Variants in MMEL1 observed in about 807,000 individuals in gnomAD.
MMEL1 encodes membrane metallo-endopeptidase-like 1.
In MMEL1, 98 loss-of-function variants were observed where a neutral mutation model predicts 117.1. The ratio of observed to expected loss-of-function variants is 0.84; its 90% CI spans 0.71 to 0.99. MMEL1 has a LOEUF of 0.99. Ranked by LOEUF, MMEL1 falls within the 50% of genes least tolerant of loss-of-function variation. The pLI, the probability that MMEL1 is intolerant of heterozygous loss-of-function variation, is 0.00. For missense variants in MMEL1, 1,014 were observed against 1,049.1 expected (o/e 0.97, Z 0.46); for synonymous variants, 390 against 415.1 (o/e 0.94, Z 0.74).
At chr1:2,610,969 A>G (rs1168187949) in intron 4 of MMEL1, among the ~76,000 whole-genome samples, 2 of 152,266 alleles carry the variant, frequency 1.3e-5, no homozygotes, top group Non-Finnish European at 2.9e-5. Context: ...AAAATCTGAA[A>G]TAAGAAAGTG....
intron 1 of MMEL1, among the ~76,000 whole-genome samples, chr1:2,631,383 C>A (rs1002741317): frequency 6.6e-6 from 1 of 151,812 alleles, no homozygotes; most frequent in African/African-American, 2.4e-5. Flanking sequence ...GTGCTTCCGC[C>A]CCCCTGTACC....
intron 2 of MMEL1, among the ~76,000 whole-genome samples, chr1:2,623,067 G>C (rs942545001): frequency 1.3e-5 from 2 of 151,876 alleles, no homozygotes; most frequent in Admixed American, 6.6e-5. Context: ...TACTCAGGAG[G>C]CTGAGGCAGG....
At chr1:2,600,988 G>C (rs1360244267) in intron 11 of MMEL1, among the ~76,000 whole-genome samples, 1 of 145,492 alleles carries the variant, frequency 6.9e-6, no homozygotes, top group Non-Finnish European at 1.5e-5. Context: ...CATGTTCATG[G>C]ATTGGAAGAC....
chr1:2,601,334 A>G (rs1644928888), intron 11 of MMEL1, among the ~76,000 whole-genome samples: 1 of 152,208 alleles, frequency 6.6e-6, no homozygotes, highest in South Asian at 2.1e-4. Flanking sequence ...CCTGATTTAT[A>G]ACACAGAAGG....
At chr1:2,617,358 C>T (rs1645218265) in intron 2 of MMEL1, among the ~76,000 whole-genome samples, 1 of 142,730 alleles carries the variant, frequency 7.0e-6, no homozygotes, top group Non-Finnish European at 1.5e-5. Context: ...ACCCGGGAGG[C>T]AGAGCTTGCA....
chr1:2,597,959 C>T (rs1173989746), intron 13 of MMEL1, among the ~76,000 whole-genome samples: 3 of 152,174 alleles, frequency 2.0e-5, no homozygotes, highest in African/African-American at 4.8e-5. Context: ...GTCGCCTCCC[C>T]GGAGCAGTGC....
Position 2,614,650 on chromosome 1 carries a change from C to T in MMEL1, c.155-2446G>A, listed in dbSNP as rs77466304. ...TCATGTATACATACATATTCCTTTG[C>T]TCTGCCAGGTGAGCTAGACTAGAAG... is the stretch of plus-strand genomic sequence containing the variant. On this transcript the variant is annotated intron_variant, in intron 2 of 23. Transcript: ENST00000378412. Among the ~76,000 whole-genome samples, 773 of 152,130 alleles carry T rather than the reference C, an allele frequency of 5.1e-3. 3 individuals carry two copies. Among genetic ancestry groups the T allele is most frequent in the Non-Finnish European group, 9.2e-3 (626 of 68,010 alleles).
intron 11 of MMEL1, among the ~76,000 whole-genome samples, chr1:2,602,818 G>T (rs1167121304): frequency 2.6e-5 from 4 of 152,212 alleles, no homozygotes; most frequent in Admixed American, 6.5e-5. Context: ...GATGGCCATG[G>T]CCCTTGGTTC....
At chr1:2,606,401 G>A in intron 7 of MMEL1, 35 bp from the exon 8 acceptor site, 1 of 1,555,328 alleles carries the variant, frequency 6.4e-7, no homozygotes, top group East Asian at 2.3e-5. Context: ...GAGACTGGCG[G>A]GCCCTGGGGC....
Position 2,604,288 on chromosome 1 carries a change from C to T in MMEL1, c.817-7G>A, listed in dbSNP as rs756503552. 6.2e-7 allele frequency: 1 copy of T among 1,612,180 alleles called. No homozygotes were observed. The highest frequency in any genetic ancestry group is 8.5e-7 in the Non-Finnish European group (1 of 1,179,656). ...GCAGGTAGGCTTCCCGCACCTGGGC[C>T]AAAGGACGCCGGGCAGAGCTGGGTG... On this transcript the variant is annotated splice_region_variant and splice_polypyrimidine_tract_variant and intron_variant, in intron 9 of 23. Coordinates refer to ENST00000378412, the MANE Select transcript of MMEL1 (RefSeq NM_033467.4).
chr1:2,612,138 C>T lies in MMEL1; in HGVS notation c.221G>A (p.Arg74Gln), dbSNP rs765021621. Residue 74 changes from arginine (R) to glutamine (Q), a missense_variant, in exon 3 of 24, where the codon CGA becomes CAA. Transcript: ENST00000378412. This position sits in a 1 kb window ranked among gnomAD's most constrained non-coding sequence, Gnocchi z 5.4. ...FLQEERTFVK[R>Q]KPRGIPEAQE... ...AAGGCAAAGGCTACCTCGGGGTTTT[C>T]GTTTTACAAAGGTCCTCTCCTCCTG... 8.2e-6 allele frequency: 13 copies of T among 1,579,354 alleles called. No individual in the cohort carries two copies. Among genetic ancestry groups the T allele is most frequent in the East Asian group, 2.3e-5 (1 of 43,296 alleles).
At chr1:2,632,777 G>T (rs1204371870) in intron 1 of MMEL1, 89 bp downstream of exon 1, 3 of 825,190 alleles carry the variant, frequency 3.6e-6, no homozygotes, top group Non-Finnish European at 4.4e-6. Context: ...CTGAGCGCCT[G>T]GAGAGGGTTT....
At chr1:2,625,172 T>C (rs1227297531) in intron 2 of MMEL1, among the ~76,000 whole-genome samples, 1 of 152,154 alleles carries the variant, frequency 6.6e-6, no homozygotes, top group Non-Finnish European at 1.5e-5. Context: ...TTCTCACATT[T>C]TGAAACCAAT....
chr1:2,631,562 C>T (rs971771841), intron 1 of MMEL1, among the ~76,000 whole-genome samples: 9 of 152,160 alleles, frequency 5.9e-5, no homozygotes, highest in Admixed American at 3.3e-4. Flanking sequence ...GGAGCGGGGA[C>T]GGGGACCTGG....
intron 2 of MMEL1, among the ~76,000 whole-genome samples, chr1:2,614,024 AG>A (rs769644763): frequency 1.3e-5 from 2 of 152,190 alleles, no homozygotes; most frequent in Non-Finnish European, 2.9e-5. Flanking sequence ...GTGAAGAACA[AG>A]GGAGTTTTGG....
intron 2 of MMEL1, among the ~76,000 whole-genome samples, chr1:2,617,284 G>C (rs922352391): frequency 5.9e-5 from 9 of 151,982 alleles, no homozygotes; most frequent in Non-Finnish European, 1.3e-4. Context: ...AAAATTAGCC[G>C]GGCGTGGTGG....
At chr1:2,631,254 G>C (rs1638566543) in intron 1 of MMEL1, among the ~76,000 whole-genome samples, 1 of 152,166 alleles carries the variant, frequency 6.6e-6, no homozygotes, top group Non-Finnish European at 1.5e-5. Flanking sequence ...CTGAGCCCCA[G>C]CTTAGCCCTG....
At chr1:2,621,017 GCTCACACCTATAATCC>G (rs1043131222) in intron 2 of MMEL1, among the ~76,000 whole-genome samples, 1 of 152,192 alleles carries the variant, frequency 6.6e-6, no homozygotes, top group African/African-American at 2.4e-5. Flanking sequence ...AGGCGTGATG[GCTCACACCTATAATCC>G]CAGCACTTTG....
chr1:2,622,882 T>G (rs1645310885), intron 2 of MMEL1, among the ~76,000 whole-genome samples: 1 of 73,048 alleles, frequency 1.4e-5, no homozygotes, highest in African/African-American at 8.2e-5. Context: ...AAACTCTGTC[T>G]CAAAAAAAAA....
Sources: allele counts gnomAD v4.1 joint callset (sites outside exome capture counted in the v4.1 genomes callset), GRCh38; gene constraint gnomAD v4.1.1; non-coding constraint Gnocchi (gnomAD v3.1); transcripts MANE v1.5; gene names NCBI Gene and HGNC (gene_info 2026-07-23, HGNC 2026-07-21).